LTBR: variants seen among roughly 807,000 people sequenced by gnomAD.
The protein encoded by LTBR is lymphotoxin beta receptor.
In LTBR, 15 loss-of-function variants were observed where a neutral mutation model predicts 45.4. The observed-to-expected ratio is 0.33, with a 90% CI of 0.22 to 0.51. The LOEUF (loss-of-function observed/expected upper bound fraction) is 0.51, where lower values mean the gene tolerates loss of function less well. Ranked by LOEUF, LTBR falls within the 20% of genes least tolerant of loss-of-function variation. The probability of loss-of-function intolerance (pLI) is 0.97; values close to 1 mark genes in which losing one functional copy is unlikely to be tolerated. For missense variants in LTBR, 450 were observed against 565.5 expected (o/e 0.80, Z 2.07); for synonymous variants, 228 against 231.0 (o/e 0.99, Z 0.12).
chr12:6,376,111 T>C, intron 1 of LTBR: 1 of 988,186 alleles, frequency 1.0e-6, no homozygotes, highest in Non-Finnish European at 1.2e-6. Context: ...CACCCACAGG[T>C]CAGCCTCACC....
intron 9 of LTBR, 114 bp from the exon 10 acceptor site, chr12:6,390,546 C>A (rs1338605494): frequency 8.7e-7 from 1 of 1,153,528 alleles, no homozygotes; most frequent in Non-Finnish European, 1.2e-6. Flanking sequence ...AAACCAGCAG[C>A]AAGCAGGAGA....
chr12:6,384,141 G>C, upstream of LTBR: 1 of 1,269,412 alleles, frequency 7.9e-7, no homozygotes, highest in Non-Finnish European at 9.9e-7. Context: ...CCCTGTCCCC[G>C]CCCCGCGGCC....
chr12:6,390,962 AG>A lies in LTBR; in HGVS notation c.*31del, dbSNP rs778721942. 5.5e-5 allele frequency: 83 copies of A among 1,509,808 alleles called. No homozygotes were observed. Among genetic ancestry groups the A allele is most frequent in the Non-Finnish European group, 6.8e-5 (77 of 1,127,308 alleles). 93.5% of individuals were successfully genotyped at this position (1,509,808 alleles called of 1,614,324 possible). ...ACTGAGTCTGAGAAAAGGCAGAAGA[AG>A]GGGGGCACAAGGGCACCTTCTCCCT... On this transcript the variant is annotated 3_prime_UTR_variant, in exon 10 of 10. Coordinates refer to ENST00000228918, the MANE Select transcript of LTBR (RefSeq NM_002342.3).
upstream of LTBR, chr12:6,383,977 C>CCGAT (rs1949008664): frequency 9.2e-7 from 1 of 1,091,654 alleles, no homozygotes; most frequent in Non-Finnish European, 1.1e-6. Flanking sequence ...GTCCGCTCTC[C>CCGAT]CGATCGGGCT....
chr12:6,388,930 T>C lies in LTBR; in HGVS notation c.801+105T>C. ...TGCAGGCTGACTCCACACTCATTCATTCATTCAACTGATGATTTACTGAAC... is the reference window on the plus strand; with the variant it reads ...TGCAGGCTGACTCCACACTCATTCACTCATTCAACTGATGATTTACTGAAC... On this transcript the variant is annotated intron_variant, in intron 8 of 9. Coordinates refer to ENST00000228918, the MANE Select transcript of LTBR (RefSeq NM_002342.3). This position sits in a 1 kb window ranked among gnomAD's most constrained non-coding sequence, Gnocchi z 4.3. The C allele has an allele frequency of 7.3e-7, 1 of 1,362,078 alleles. No individual in the cohort carries two copies. Among genetic ancestry groups the C allele is most frequent in the Non-Finnish European group, 1.0e-6 (1 of 958,388 alleles). 84.4% of individuals were successfully genotyped at this position (1,362,078 alleles called of 1,614,324 possible). A position where few individuals can be genotyped will look rare whatever the true frequency, so the allele number is the denominator to read the frequency against.
chr12:6,382,883 G>A (rs1025865514), upstream of LTBR, among the ~76,000 whole-genome samples: 1 of 152,224 alleles, frequency 6.6e-6, no homozygotes, highest in African/African-American at 2.4e-5. Context: ...TGAGCCACAA[G>A]GAGTTGGCAG....
At chr12:6,379,050 C>G (rs1404800246) in intron 1 of LTBR, among the ~76,000 whole-genome samples, 1 of 152,188 alleles carries the variant, frequency 6.6e-6, no homozygotes, top group Non-Finnish European at 1.5e-5. Flanking sequence ...TCACTCCACC[C>G]TCCTAGGGAG....
At position 6,384,300 on chromosome 12, in the gene LTBR, G is replaced by A; in HGVS notation, c.-59G>A. ...CGCCGCCACCGCTGCCCAGGACGTC[G>A]GGCCTCCTGCCTTCCTCCCAGGCCC... On this transcript the variant is annotated 5_prime_UTR_variant, in exon 1 of 10. Coordinates refer to ENST00000228918, the MANE Select transcript of LTBR (RefSeq NM_002342.3). 1 of 1,431,934 alleles carries A rather than the reference G, an allele frequency of 7.0e-7. No homozygotes were observed. 88.7% of individuals were successfully genotyped at this position (1,431,934 alleles called of 1,614,324 possible).
At chr12:6,390,439 G>GA in intron 9 of LTBR, 99 bp downstream of exon 9, 2 of 1,119,674 alleles carry the variant, frequency 1.8e-6, no homozygotes. Context: ...CCAAAACAGA[G>GA]GCAGACAGAG....
At chr12:6,384,489 G>A in intron 1 of LTBR, 35 bp downstream of exon 1, 1 of 1,583,448 alleles carries the variant, frequency 6.3e-7, no homozygotes, top group Non-Finnish European at 8.6e-7. Context: ...GGGCGAGGGT[G>A]GGCAAGAGGG....
chr12:6,384,482 C>T lies in LTBR; in HGVS notation c.96+28C>T, dbSNP rs926364186. 7.6e-6 allele frequency: 12 copies of T among 1,574,842 alleles called. No individual in the cohort carries two copies. In the South Asian group the frequency reaches 8.0e-5, roughly 11 times the overall value. On this transcript the variant is annotated intron_variant, in intron 1 of 9. Coordinates refer to ENST00000228918, the MANE Select transcript of LTBR (RefSeq NM_002342.3). ...GAGGAAGGGGCCTGGTAGGAGTGGG[C>T]GAGGGTGGGCAAGAGGGATCTGGGC...
chr12:6,375,747 G>A, intron 1 of LTBR: 1 of 1,414,652 alleles, frequency 7.1e-7, no homozygotes, highest in Non-Finnish European at 9.2e-7. Flanking sequence ...AAGGAGGCTG[G>A]GGGACAGGAT....
chr12:6,389,998 A>AAAGG, intron 8 of LTBR, 114 bp from the exon 9 acceptor site: 1 of 732,532 alleles, frequency 1.4e-6, no homozygotes, highest in South Asian at 1.7e-5. Flanking sequence ...AGAGAGAGAG[A>AAAGG]AAGGAAGGAA....
rs769061724 is a variant in LTBR, at chr12:6,388,477, G to A, written c.747G>A (p.Lys249=). ...LLATVFSCIW[K]SHPSLCRKLG... The stretch of plus-strand genomic sequence containing the variant: ...CCACCGTCTTCTCCTGCATCTGGAA[G>A]AGCCACCCTTCTCTCTGCAGGAAAC... The change falls in exon 7 of 10, where the codon AAG becomes AAA. Residue 249 remains lysine, a synonymous_variant. Transcript: ENST00000228918. This position sits in a 1 kb window ranked among gnomAD's most constrained non-coding sequence, Gnocchi z 4.3. 12 of 1,613,982 alleles carry A rather than the reference G, an allele frequency of 7.4e-6. No individual in the cohort carries two copies. The Middle Eastern group carries it at 6.6e-4, about 88-fold the overall frequency.
In LTBR at chr12:6,390,186, G is replaced by A. The variant is rs1353211476; in HGVS notation, c.876G>A (p.Gln292=). Residue 292 remains glutamine (Q), a synonymous_variant, in exon 9 of 10, where the codon CAG becomes CAA. Transcript: ENST00000228918. ...KAHPYFPDLV[Q]PLLPISGDVS... is the part of the protein sequence containing the mutation. ...ATCCATACTTCCCTGACTTGGTACA[G>A]CCACTGCTACCCATTTCTGGAGATG... 2 of 1,614,154 alleles carry A rather than the reference G, an allele frequency of 1.2e-6. No homozygotes were observed. The highest frequency in any genetic ancestry group is 8.5e-7 in the Non-Finnish European group (1 of 1,180,036).
upstream of LTBR, chr12:6,375,179 T>G: frequency 6.9e-7 from 1 of 1,454,942 alleles, no homozygotes; most frequent in Non-Finnish European, 9.0e-7. Context: ...CCAGGATCTG[T>G]GTCTCAGCTC....
intron 2 of LTBR, 114 bp downstream of exon 2, chr12:6,384,798 G>T: frequency 8.8e-6 from 10 of 1,134,336 alleles, no homozygotes; most frequent in Non-Finnish European, 1.3e-5. Context: ...ACTGGCTGCT[G>T]GAGACGAGCG....
chr12:6,390,113 G>A lies in LTBR; in HGVS notation c.803G>A (p.Gly268Glu). 1.2e-6 allele frequency: 2 copies of A among 1,612,880 alleles called. No individual in the cohort carries two copies. Among genetic ancestry groups the A allele is most frequent in the Non-Finnish European group, 1.7e-6 (2 of 1,178,884 alleles). ...TGGGTCTCCATCTCTTTCCTGCAGG[G>A]AGAGGGACCCAATCCTGTAGCTGGA... ...LGSLLKRRPQ[G>E]EGPNPVAGSW... Residue 268 changes from glycine to glutamate, a missense_variant and splice_region_variant, in exon 9 of 10, where the codon GGA becomes GAA. Physicochemically the swap from Gly to Glu is moderately conservative, Grantham distance 98. This residue lies in a region of LTBR where 367 missense variants were observed against 435.4 expected (regional missense o/e 0.84). Coordinates refer to ENST00000228918, the MANE Select transcript of LTBR (RefSeq NM_002342.3).
rs184559134 is a variant in LTBR at position 6,379,070 on chromosome 12, C to A, written c.39+3476C>A. Among the ~76,000 whole-genome samples, 57 of 152,334 alleles carry A rather than the reference C, an allele frequency of 3.7e-4. No individual in the cohort carries two copies. The East Asian group carries it at 0.011, about 29-fold the overall frequency. ...CCACCCTCCTAGGGAGAGCCTATCT[C>A]TGCACTTACCACTGTTTACTATTAT... is the stretch of plus-strand genomic sequence containing the variant. On this transcript the variant is annotated intron_variant, in intron 1 of 9. Coordinates refer to the LTBR transcript ENST00000539925.
Sources: allele counts gnomAD v4.1 joint callset (sites outside exome capture counted in the v4.1 genomes callset), GRCh38; gene constraint gnomAD v4.1.1; regional missense constraint gnomAD v4.1.1; non-coding constraint Gnocchi (gnomAD v3.1); transcripts MANE v1.5; gene names NCBI Gene and HGNC (gene_info 2026-07-23, HGNC 2026-07-21).